IRF8: variants seen among roughly 807,000 people sequenced by gnomAD.
The protein encoded by IRF8 is interferon consensus sequence binding protein 1.
Under a neutral mutation model 48.7 loss-of-function variants are expected in IRF8, and 14 were observed. The observed-to-expected ratio is 0.29, with a 90% CI of 0.19 to 0.45. The LOEUF (loss-of-function observed/expected upper bound fraction) is 0.45. IRF8 is among the 20% of genes least tolerant of loss of function. IRF8 has a pLI of 1.00. For synonymous variants in IRF8, 278 were observed against 227.3 expected (o/e 1.22, Z -2.01); for missense variants, 493 against 580.7 (o/e 0.85, Z 1.55).
At position 85,921,403 on chromosome 16, in the gene IRF8, CTTAA is replaced by C. The variant is rs1905564146; in HGVS notation, c.*124_*127del. On this transcript the variant is annotated 3_prime_UTR_variant, in exon 9 of 9. Transcript: ENST00000268638. ...CTGGGGTGGGATGCCTTACTTTGCA[CTTAA>C]TTTAATAAGGGCATTCTCGGAGGAG... The C allele has an allele frequency of 9.2e-7, 1 of 1,081,614 alleles. No homozygotes were observed. The highest frequency in any genetic ancestry group is 1.3e-5 in the South Asian group (1 of 79,164). The allele number at this position is 1,081,614 out of a possible 1,614,324, so 67.0% of individuals were successfully genotyped here.
At chr16:85,902,956 T>C in intron 1 of IRF8, 59 bp from the exon 2 acceptor site, 2 of 1,588,328 alleles carry the variant, frequency 1.3e-6, no homozygotes, top group Non-Finnish European at 1.7e-6. Flanking sequence ...GTTTTTGGGT[T>C]GCTGTGATGA....
rs1253140691 is a variant in IRF8 at position 85,914,520 on chromosome 16, G to A, written c.601G>A (p.Ala201Thr). The change falls in exon 6 of 9, where the codon GCA becomes ACA. Residue 201 changes from alanine (A) to threonine (T), a missense_variant and splice_region_variant. By Grantham distance (58) the Ala-to-Thr change is moderately conservative. This residue lies in a region of IRF8 where 408 missense variants were observed against 449.6 expected (regional missense o/e 0.91). Transcript: ENST00000268638. Reference sequence around the variant, plus strand: ...CACCACCTACGACGCGCACCATTCAGGTACGGGGTGGTCCGGGCTGAGAGG... The same window carrying A: ...CACCACCTACGACGCGCACCATTCAAGTACGGGGTGGTCCGGGCTGAGAGG... ...GYTTYDAHHS[A>T]FSQMVISFYY... 4 of 1,614,072 alleles carry A rather than the reference G, an allele frequency of 2.5e-6. No homozygotes were observed. The highest frequency in any genetic ancestry group is 3.4e-6 in the Non-Finnish European group (4 of 1,180,016).
intron 1 of IRF8, among the ~76,000 whole-genome samples, chr16:85,901,791 A>C (rs1328578085): frequency 2.6e-5 from 4 of 152,138 alleles, no homozygotes; most frequent in Non-Finnish European, 2.9e-5. Context: ...CTTCTTGTGA[A>C]GGTTCTGATT....
chr16:85,910,769 A>G (rs1167864763), intron 3 of IRF8, among the ~76,000 whole-genome samples: 2 of 152,176 alleles, frequency 1.3e-5, no homozygotes, highest in Non-Finnish European at 2.9e-5. Flanking sequence ...CCTGCTCCCT[A>G]CTTCCCCATC....
At chr16:85,914,142 G>C (rs1047861700) in intron 5 of IRF8, 3 of 391,330 alleles carry the variant, frequency 7.7e-6, no homozygotes, top group Non-Finnish European at 1.5e-5. Context: ...GCCCTGGGTG[G>C]TGGGTATGCA....
chr16:85,913,439 C>G, intron 5 of IRF8: 2 of 600,524 alleles, frequency 3.3e-6, no homozygotes, highest in Non-Finnish European at 6.0e-6. Flanking sequence ...GCCCTGCTCT[C>G]CGCTGCTTCT....
At chr16:85,902,981 G>A (rs376968300) in intron 1 of IRF8, 34 bp from the exon 2 acceptor site, 7 of 1,611,884 alleles carry the variant, frequency 4.3e-6, no homozygotes, top group Non-Finnish European at 5.1e-6. Flanking sequence ...GACAATATCC[G>A]TAATATCACA....
chr16:85,911,701 G>A (rs369554392), intron 4 of IRF8, 43 bp downstream of exon 4: 164 of 1,538,374 alleles, frequency 1.1e-4, no homozygotes, highest in Non-Finnish European at 1.4e-4. Flanking sequence ...CTGCCAGGAG[G>A]AGTCTCATGT....
At position 85,921,158 on chromosome 16, in the gene IRF8, G is replaced by C; in HGVS notation, c.1157G>C (p.Gly386Ala). ...GCAGAAGAGGCTGGGAAGAGCTGTG[G>C]AGCCGGCTCTGTGATGCAGGCCCCC... ...QLAEEAGKSC[G>A]AGSVMQAPEE... The change falls in exon 9 of 9, where the codon GGA becomes GCA. Residue 386 changes from glycine (G) to alanine (A), a missense_variant. Coordinates refer to ENST00000268638, the MANE Select transcript of IRF8 (RefSeq NM_002163.4). 1 of 1,614,186 alleles carries C rather than the reference G, an allele frequency of 6.2e-7. No individual in the cohort carries two copies. The highest frequency in any genetic ancestry group is 2.2e-5 in the East Asian group (1 of 44,890).
At chr16:85,912,808 G>T (rs1176194743) in intron 4 of IRF8, among the ~76,000 whole-genome samples, 1 of 152,238 alleles carries the variant, frequency 6.6e-6, no homozygotes, top group Non-Finnish European at 1.5e-5. Flanking sequence ...CTCAGAGCTT[G>T]TCTGCGTGTC....
At chr16:85,899,500 G>A (rs566984516) in intron 1 of IRF8, among the ~76,000 whole-genome samples, 1 of 152,318 alleles carries the variant, frequency 6.6e-6, no homozygotes, top group African/African-American at 2.4e-5. Flanking sequence ...TGGTTTACAT[G>A]GAAAACGTTA....
At position 85,921,777 on chromosome 16, in the gene IRF8, A is replaced by G. The variant is rs574445483; in HGVS notation, c.*495A>G. ...CTTTTTACTTTTATGCATTTTAATA[A>G]GATTTAAAAATATTTAGATTAAAGC... On this transcript the variant is annotated 3_prime_UTR_variant, in exon 9 of 9. Transcript: ENST00000268638. 1 of 185,436 alleles carries G rather than the reference A, an allele frequency of 5.4e-6. No homozygotes were observed. The highest frequency in any genetic ancestry group is 2.4e-5 in the African/African-American group (1 of 41,786). The allele number at this position is 185,436 out of a possible 1,614,324, so 11.5% of individuals were successfully genotyped here.
chr16:85,899,362 C>G (rs939215657), intron 1 of IRF8, 139 bp downstream of exon 1: 3 of 152,294 alleles, frequency 2.0e-5, no homozygotes, highest in East Asian at 1.9e-4. Flanking sequence ...CCGTGTCCCT[C>G]TCTGCTTTTT....
chr16:85,907,751 C>T (rs539712421), intron 2 of IRF8, among the ~76,000 whole-genome samples: 14 of 152,238 alleles, frequency 9.2e-5, no homozygotes, highest in Admixed American at 2.6e-4. Flanking sequence ...ACCTCCCTTC[C>T]CCAGTGAGAA....
chr16:85,913,469 T>C (rs1181518235), intron 5 of IRF8, among the ~76,000 whole-genome samples: 2 of 152,186 alleles, frequency 1.3e-5, no homozygotes, highest in African/African-American at 4.8e-5. Context: ...ACAAGCTGCT[T>C]GTTCCCTAGG....
rs145048966 is a variant in IRF8, at chr16:85,909,102, C to T, written c.287C>T (p.Thr96Met). 693 of 1,614,120 alleles carry T rather than the reference C, an allele frequency of 4.3e-4. 2 individuals carry two copies. The highest frequency in any genetic ancestry group is 2.2e-4 in the Non-Finnish European group (261 of 1,179,984). ...AAGAGCCCAGATTTTGAGGAAGTGA[C>T]GGACCGGTCCCAACTGGACATTTCC... ...LNKSPDFEEV[T>M]DRSQLDISEP... The change falls in exon 3 of 9, where the codon ACG (threonine) becomes ATG (methionine). Residue 96 changes from threonine (T) to methionine (M), a missense_variant. Around this residue, in one of 3 missense-constraint regions of IRF8, gnomAD observed 31 missense variants for 71.2 expected, o/e 0.44. Transcript: ENST00000268638.
In IRF8 at chr16:85,904,323, T is replaced by G. The variant is rs535627920; in HGVS notation, c.174+1134T>G. ...AGTTGTTGGGGGCCAGAATCAGACC[T>G]GAGACCACAAACAAGGTGTGGAGGG... On this transcript the variant is annotated intron_variant, in intron 2 of 8. Coordinates refer to ENST00000268638, the MANE Select transcript of IRF8 (RefSeq NM_002163.4). Among the ~76,000 whole-genome samples the G allele has an allele frequency of 3.9e-5, 6 of 152,194 alleles. No homozygotes were observed. The East Asian group carries it at 7.7e-4, about 20-fold the overall frequency.
At position 85,921,321 on chromosome 16, in the gene IRF8, A is replaced by C. The variant is rs1317573880; in HGVS notation, c.*39A>C. 3.1e-6 allele frequency: 5 copies of C among 1,598,676 alleles called. No individual in the cohort carries two copies. Among genetic ancestry groups the C allele is most frequent in the Non-Finnish European group, 4.3e-6 (5 of 1,170,048 alleles). On this transcript the variant is annotated 3_prime_UTR_variant, in exon 9 of 9. Coordinates refer to ENST00000268638, the MANE Select transcript of IRF8 (RefSeq NM_002163.4). ...GCGCCCCACCCCGTCTGCGTCCTGC[A>C]TCCATCTCCCTGTTACAGTGGCCCG...
Position 85,920,105 on chromosome 16 carries a change from C to T in IRF8, c.989-4C>T. 6.2e-7 allele frequency: 1 copy of T among 1,608,974 alleles called. No homozygotes were observed. The highest frequency in any genetic ancestry group is 8.5e-7 in the Non-Finnish European group (1 of 1,175,254). ...GCAAACACCCTCTGCCTGTGTCATT[C>T]CAGAGCTGCAGCAGTTCTATAACAG... On this transcript the variant is annotated splice_polypyrimidine_tract_variant and splice_region_variant and intron_variant, in intron 7 of 8. Transcript: ENST00000268638.
Sources: gnomAD v4.1 joint callset for allele counts (sites outside exome capture counted in the v4.1 genomes callset) on GRCh38, gnomAD v4.1.1 for gene constraint, gnomAD v4.1.1 regional missense constraint, MANE v1.5 for transcripts, NCBI Gene and HGNC (gene_info 2026-07-23, HGNC 2026-07-21) for gene names.